Variants in PEBP4 observed in about 807,000 individuals in gnomAD.
PEBP4 encodes phosphatidylethanolamine binding protein 4, also known as phosphatidylethanolamine-binding protein 4.
A neutral mutation model predicts 23.9 loss-of-function variants in PEBP4; 22 were observed. The ratio of observed to expected loss-of-function variants is 0.92; its 90% CI spans 0.66 to 1.31. The LOEUF is 1.31. Among genes scored for constraint, PEBP4 ranks in the 40% most tolerant of loss-of-function variants. The pLI, the probability that PEBP4 is intolerant of heterozygous loss-of-function variation, is 0.00. For synonymous variants in PEBP4, 112 were observed against 99.3 expected, an observed-to-expected ratio of 1.13 and a Z score of -0.76; for missense variants, 324 against 281.7, an observed-to-expected ratio of 1.15 and a Z score of -1.07.
At chr8:22,893,660 G>A (rs1021608193) in intron 3 of PEBP4, among the ~76,000 whole-genome samples, 1 of 152,064 alleles carries the variant, frequency 6.6e-6, no homozygotes, top group African/African-American at 2.4e-5. Context: ...GTGATGAAGA[G>A]TACACTGGAT....
intron 4 of PEBP4, among the ~76,000 whole-genome samples, chr8:22,758,350 A>G (rs1342366469): frequency 6.6e-6 from 1 of 152,208 alleles, no homozygotes; most frequent in East Asian, 1.9e-4. Flanking sequence ...AGGCCCAGGT[A>G]GTAAATATTT....
At chr8:22,747,152 T>C (rs1805139312) in intron 4 of PEBP4, among the ~76,000 whole-genome samples, 1 of 152,256 alleles carries the variant, frequency 6.6e-6, no homozygotes, top group Non-Finnish European at 1.5e-5. Context: ...TTGTACTTAT[T>C]ATGGGCTACC....
chr8:22,807,212 G>C (rs1806514314), intron 4 of PEBP4, among the ~76,000 whole-genome samples: 2 of 152,192 alleles, frequency 1.3e-5, no homozygotes, highest in South Asian at 2.1e-4. Context: ...GATTGCAGAA[G>C]GGTTTTTTGT....
intron 2 of PEBP4, among the ~76,000 whole-genome samples, chr8:22,921,585 C>A (rs770565836): frequency 2.6e-5 from 4 of 152,250 alleles, no homozygotes; most frequent in Non-Finnish European, 5.9e-5. Flanking sequence ...GAGCCCCCAG[C>A]ACCTGGCAGC....
intron 4 of PEBP4, among the ~76,000 whole-genome samples, chr8:22,782,934 T>C (rs777546260): frequency 6.6e-6 from 1 of 152,224 alleles, no homozygotes; most frequent in Non-Finnish European, 1.5e-5. Flanking sequence ...GGAAGACGAC[T>C]AGCTCCCTCA....
chr8:22,858,322 T>C (rs1306091165), intron 3 of PEBP4, among the ~76,000 whole-genome samples: 3 of 152,198 alleles, frequency 2.0e-5, no homozygotes, highest in Non-Finnish European at 4.4e-5. Flanking sequence ...AGAAAGGAGT[T>C]AACATGGCCT....
chr8:22,765,353 A>G (rs993847836), intron 4 of PEBP4, among the ~76,000 whole-genome samples: 23 of 152,178 alleles, frequency 1.5e-4, no homozygotes, highest in Admixed American at 6.5e-5. Context: ...CATATTGGCC[A>G]GGCTGGTCTC....
chr8:22,767,057 T>A (rs764732961), intron 4 of PEBP4, among the ~76,000 whole-genome samples: 6 of 152,232 alleles, frequency 3.9e-5, no homozygotes, highest in Non-Finnish European at 7.3e-5. Flanking sequence ...CGGTTCCTCT[T>A]TAAGCCATAC....
intron 3 of PEBP4, among the ~76,000 whole-genome samples, chr8:22,876,618 G>A (rs753900664): frequency 9.9e-5 from 15 of 152,212 alleles, no homozygotes; most frequent in Non-Finnish European, 2.1e-4. Flanking sequence ...CAGCCCAGGG[G>A]CACCTCACAA....
chr8:22,914,642 C>T (rs369788905), intron 3 of PEBP4, among the ~76,000 whole-genome samples: 11 of 152,154 alleles, frequency 7.2e-5, no homozygotes, highest in African/African-American at 2.7e-4. Context: ...GCAGGTAAAC[C>T]TGTCCTCCTC....
chr8:22,861,354 T>C (rs1023966586), intron 3 of PEBP4, among the ~76,000 whole-genome samples: 7 of 152,350 alleles, frequency 4.6e-5, no homozygotes, highest in East Asian at 1.9e-4. Context: ...CATAGACTAA[T>C]TGAATCCTCA....
At chr8:22,898,165 G>A (rs1402518241) in intron 3 of PEBP4, among the ~76,000 whole-genome samples, 4 of 151,890 alleles carry the variant, frequency 2.6e-5, no homozygotes, top group South Asian at 2.1e-4. Context: ...GCCGAGGCGG[G>A]TGGATCACCT....
At chr8:22,834,399 C>T (rs1191771333) in intron 3 of PEBP4, among the ~76,000 whole-genome samples, 1 of 151,774 alleles carries the variant, frequency 6.6e-6, no homozygotes, top group Admixed American at 6.6e-5. Flanking sequence ...AGGCTGGTGT[C>T]CAGCAGCCAG....
At chr8:22,784,279 T>C (rs559288586) in intron 4 of PEBP4, among the ~76,000 whole-genome samples, 10 of 152,226 alleles carry the variant, frequency 6.6e-5, no homozygotes, top group Admixed American at 5.9e-4. Context: ...GAAGGTTTCA[T>C]GGAAGAGGTG....
intron 4 of PEBP4, among the ~76,000 whole-genome samples, chr8:22,751,519 TAGAG>T (rs1805258845): frequency 2.0e-5 from 3 of 151,952 alleles, no homozygotes; most frequent in Middle Eastern, 6.8e-3. Flanking sequence ...CGGTGGTAGA[TAGAG>T]AGGCCCCAAA....
At chr8:22,891,849 G>T (rs762226706) in intron 3 of PEBP4, among the ~76,000 whole-genome samples, 1 of 152,196 alleles carries the variant, frequency 6.6e-6, no homozygotes, top group Non-Finnish European at 1.5e-5. Flanking sequence ...CGAGGCGGAC[G>T]GATCACGAGG....
At chr8:22,801,452 C>G (rs544701862) in intron 4 of PEBP4, among the ~76,000 whole-genome samples, 2 of 152,230 alleles carry the variant, frequency 1.3e-5, no homozygotes, top group South Asian at 4.2e-4. Flanking sequence ...CTGCCAGGCC[C>G]TCAGGGAGGT....
chr8:22,732,671 CAT>C lies in PEBP4; in HGVS notation c.358-5453_358-5452del, dbSNP rs1585241215. Reference sequence around the variant, plus strand: ...GTGTGTGTGTGTGTGTGTGTATGCACATGTGTGTATGTGCATGCATGTGCACA... The same window carrying C: ...GTGTGTGTGTGTGTGTGTGTATGCACGTGTGTATGTGCATGCATGTGCACA... On this transcript the variant is annotated intron_variant, in intron 4 of 6. Coordinates refer to ENST00000256404, the MANE Select transcript of PEBP4 (RefSeq NM_144962.3). Among the ~76,000 whole-genome samples the C allele has an allele frequency of 4.9e-5, 7 of 144,090 alleles. No individual in the cohort carries two copies. In the East Asian group the frequency reaches 1.2e-3, roughly 24 times the overall value. The allele number at this position is 144,090 out of a possible 152,430, so 94.5% of individuals were successfully genotyped here.
intron 3 of PEBP4, among the ~76,000 whole-genome samples, chr8:22,835,998 A>G (rs1395658668): frequency 6.6e-6 from 1 of 152,240 alleles, no homozygotes; most frequent in Non-Finnish European, 1.5e-5. Flanking sequence ...AGGGAAAATC[A>G]TCTAAACAGA....
Sources: allele counts gnomAD v4.1 joint callset (sites outside exome capture counted in the v4.1 genomes callset), GRCh38; gene constraint gnomAD v4.1.1; transcripts MANE v1.5; gene names NCBI Gene and HGNC (gene_info 2026-07-23, HGNC 2026-07-21).